XG: variants seen among roughly 807,000 people sequenced by gnomAD.
XG encodes glycoprotein Xg.
XG carries 24 observed loss-of-function variants against 25.7 expected under a neutral mutation model. That is an observed-to-expected ratio of 0.93 (90% confidence interval 0.68 to 1.31). The LOEUF is 1.31. XG is among the 40% of genes most tolerant of loss of function. The pLI is 0.00. For synonymous variants in XG, 77 were observed against 69.2 expected (o/e 1.11, Z -0.56); for missense variants, 181 against 187.6 (o/e 0.96, Z 0.21).
chrX:2,785,460 A>ATTT (rs11371846), intron 4 of XG, among the ~76,000 whole-genome samples: 4 of 108,495 alleles, frequency 3.7e-5, no homozygotes, highest in Non-Finnish European at 7.7e-5. Context: ...ACTTAAAAAA[A>ATTT]TTTTTTTGTA....
intron 1 of XG, among the ~76,000 whole-genome samples, chrX:2,765,281 G>A (rs1226759234): frequency 6.6e-6 from 1 of 151,612 alleles, no homozygotes; most frequent in Non-Finnish European, 1.5e-5. Context: ...AACCTGGGGG[G>A]CAGAGGTTGC....
chrX:2,764,641 A>G (rs1603304198), intron 1 of XG, among the ~76,000 whole-genome samples: 1 of 152,074 alleles, frequency 6.6e-6, no homozygotes, highest in African/African-American at 2.4e-5. Context: ...GGAGGGCTCT[A>G]TGGGCTTAGT....
chrX:2,761,535 G>T (rs1325895912), intron 1 of XG, among the ~76,000 whole-genome samples: 1 of 152,050 alleles, frequency 6.6e-6, no homozygotes, highest in African/African-American at 2.4e-5. Context: ...GGGACACAGG[G>T]AGAAGATGGT....
intron 1 of XG, among the ~76,000 whole-genome samples, chrX:2,769,320 C>T (rs1330309348): frequency 6.6e-6 from 1 of 152,210 alleles, no homozygotes; most frequent in African/African-American, 2.4e-5. Context: ...TTAGCCTCCT[C>T]CAGGGCTTAG....
chrX:2,775,493 C>A (rs1291420561), intron 3 of XG, among the ~76,000 whole-genome samples: 1 of 152,126 alleles, frequency 6.6e-6, no homozygotes, highest in Non-Finnish European at 1.5e-5. Flanking sequence ...AGAGTGACTG[C>A]TTGATAAATT....
chrX:2,777,496 G>A (rs1157981545), intron 3 of XG, among the ~76,000 whole-genome samples: 1 of 152,186 alleles, frequency 6.6e-6, no homozygotes, highest in Admixed American at 6.5e-5. Context: ...AGGAGGCTGA[G>A]GTGGGAGGAT....
At chrX:2,772,645 C>T (rs2050844587) in intron 2 of XG, among the ~76,000 whole-genome samples, 1 of 152,122 alleles carries the variant, frequency 6.6e-6, no homozygotes, top group Non-Finnish European at 1.5e-5. Context: ...GGTGATTGTA[C>T]AATATTGTGA....
At chrX:2,797,118 C>T (rs898633744) in intron 6 of XG, among the ~76,000 whole-genome samples, 192 bp from the exon 7 acceptor site, 4 of 111,507 alleles carry the variant, frequency 3.6e-5, no homozygotes, top group Admixed American at 1.9e-4. Flanking sequence ...TGAGTTTTCC[C>T]ACGGGGAAGA....
chrX:2,795,117 TTA>T (rs1219350154), intron 6 of XG, among the ~76,000 whole-genome samples: 1 of 109,709 alleles, frequency 9.1e-6, no homozygotes, highest in Non-Finnish European at 1.9e-5. Context: ...TTCTCTGTTT[TTA>T]TATATGTATA....
chrX:2,781,410 G>C (rs1476180064), intron 3 of XG, among the ~76,000 whole-genome samples: 1 of 151,096 alleles, frequency 6.6e-6, no homozygotes, highest in Admixed American at 6.6e-5. Context: ...ATTAGATTAA[G>C]TCAATTTACT....
At chrX:2,800,150 T>C (rs931117384) in intron 7 of XG, among the ~76,000 whole-genome samples, 2 of 111,617 alleles carry the variant, frequency 1.8e-5, no homozygotes, top group African/African-American at 6.5e-5. Flanking sequence ...ATAGGTGACG[T>C]TGGTAAAGCA....
intron 3 of XG, among the ~76,000 whole-genome samples, chrX:2,781,791 C>T (rs1254191999): frequency 8.9e-6 from 1 of 112,309 alleles, no homozygotes; most frequent in Admixed American, 9.4e-5. Context: ...TACTTGCTTC[C>T]ATCATGGCAG....
intron 7 of XG, among the ~76,000 whole-genome samples, chrX:2,801,389 T>TTG (rs1286624815): frequency 1.8e-5 from 2 of 109,064 alleles, no homozygotes; most frequent in African/African-American, 6.7e-5. Context: ...AGTTGGGAGG[T>TTG]TGTGGACCGC....
intron 7 of XG, among the ~76,000 whole-genome samples, chrX:2,801,801 C>A (rs1408791547): frequency 1.8e-5 from 2 of 111,018 alleles, no homozygotes; most frequent in Non-Finnish European, 3.8e-5. Flanking sequence ...CTCCGCCTCC[C>A]GGGTTCACGC....
chrX:2,770,524 A>G (rs765900930), intron 1 of XG, 26 bp from the exon 2 acceptor site: 2 of 1,613,802 alleles, frequency 1.2e-6, no homozygotes, highest in Admixed American at 3.3e-5. Context: ...TCATGGGGTG[A>G]CTTATGCCCT....
chrX:2,801,696 C>T (rs1314366966), intron 7 of XG, among the ~76,000 whole-genome samples: 48 of 110,025 alleles, frequency 4.4e-4, no homozygotes, highest in African/African-American at 1.6e-3. Flanking sequence ...GTCTGCAGCT[C>T]AACTTTATTT....
At chrX:2,753,543 T>C (rs1331229150) in intron 1 of XG, among the ~76,000 whole-genome samples, 1 of 152,164 alleles carries the variant, frequency 6.6e-6, no homozygotes, top group Non-Finnish European at 1.5e-5. Flanking sequence ...ATGCATTCAG[T>C]ACAAACGAAA....
intron 2 of XG, among the ~76,000 whole-genome samples, chrX:2,774,451 CACTT>C (rs1395138077): frequency 6.6e-6 from 1 of 151,910 alleles, no homozygotes; most frequent in Non-Finnish European, 1.5e-5. Context: ...GCAGGTGGCT[CACTT>C]ACTTGTCTTG....
chrX:2,776,743 G>C (rs1419005684), intron 3 of XG, among the ~76,000 whole-genome samples: 4 of 152,172 alleles, frequency 2.6e-5, no homozygotes, highest in Non-Finnish European at 5.9e-5. Context: ...AGCTACTTGG[G>C]AGGCTGAGGC....
Sources: allele counts gnomAD v4.1 joint callset (sites outside exome capture counted in the v4.1 genomes callset), GRCh38; gene constraint gnomAD v4.1.1; transcripts MANE v1.5; gene names NCBI Gene and HGNC (gene_info 2026-07-23, HGNC 2026-07-21).